The following CEP170 variants were observed in gnomAD, a reference collection of about 807,000 sequenced individuals.
CEP170 encodes centrosomal protein 170.
In CEP170, 21 loss-of-function variants were observed where a neutral mutation model predicts 151.9. That is an observed-to-expected ratio of 0.14 (90% CI 0.10 to 0.20). The LOEUF is 0.20. CEP170 is among the 10% of genes least tolerant of loss of function. CEP170 has a pLI of 1.00. For missense variants in CEP170, 964 were observed against 1,892.9 expected, an observed-to-expected ratio of 0.51 and a Z score of 9.11; for synonymous variants, 356 against 648.8, an observed-to-expected ratio of 0.55 and a Z score of 6.86.
chr1:243,146,187 C>T (rs939640495), intron 14 of CEP170, among the ~76,000 whole-genome samples: 5 of 152,196 alleles, frequency 3.3e-5, no homozygotes, highest in Non-Finnish European at 7.4e-5. Context: ...ATTATGAACT[C>T]GTTTGGAACA....
chr1:243,225,373 G>T, intron 1 of CEP170, 52 bp from the exon 2 acceptor site: 1 of 683,138 alleles, frequency 1.5e-6, no homozygotes, highest in Non-Finnish European at 2.3e-6. Context: ...TAGCTTTAGT[G>T]GCTATTCACC....
At position 243,124,653 on chromosome 1, in the gene CEP170, A is replaced by G. The variant is rs1477571998; in HGVS notation, c.*1796T>C. 1 of 152,546 alleles carries G rather than the reference A, an allele frequency of 6.6e-6. No homozygotes were observed. Among genetic ancestry groups the G allele is most frequent in the Non-Finnish European group, 1.5e-5 (1 of 67,982 alleles). The allele number at this position is 152,546 out of a possible 1,614,324, so 9.4% of individuals were successfully genotyped here. A position where few individuals can be genotyped will look rare whatever the true frequency, so the allele number is the denominator to read the frequency against. On this transcript the variant is annotated 3_prime_UTR_variant, in exon 20 of 20. Transcript: ENST00000366542. ...TATTTTCCTAAACTCCTTACCTTCT[A>G]CTTCCATGTGGATATAATCAGTACC...
chr1:243,159,759 GGTTTT>G (rs1572342332), intron 13 of CEP170, among the ~76,000 whole-genome samples: 1 of 144,814 alleles, frequency 6.9e-6, no homozygotes, highest in Non-Finnish European at 1.5e-5. Context: ...TTTTGTTTCC[GGTTTT>G]GTGTGTGTGT....
chr1:243,178,756 T>C (rs1304436053), intron 10 of CEP170, among the ~76,000 whole-genome samples: 2 of 151,948 alleles, frequency 1.3e-5, no homozygotes, highest in Non-Finnish European at 2.9e-5. Context: ...TCTTGCTCTG[T>C]CACCCAGGCT....
chr1:243,174,953 A>G (rs572683828), intron 10 of CEP170: 16 of 152,326 alleles, frequency 1.1e-4, no homozygotes, highest in African/African-American at 3.6e-4. Context: ...AAGTTTATTT[A>G]CTTATTTTAT....
chr1:243,194,119 G>A lies in CEP170; in HGVS notation c.632-2625C>T, dbSNP rs550986670. 1.4e-4 allele frequency among the ~76,000 whole-genome samples: 21 copies of A among 151,540 alleles called. No individual in the cohort carries two copies. In the East Asian group the frequency reaches 4.1e-3, roughly 30 times the overall value. On this transcript the variant is annotated intron_variant, in intron 7 of 19. Coordinates refer to ENST00000366542, the MANE Select transcript of CEP170 (RefSeq NM_014812.3). ...TTTTTACTATTTACTCAGATCACAT[G>A]TAGCAAACCTTGGGCAGGGTACAAA...
chr1:243,126,397 C>T lies in CEP170; in HGVS notation c.*52G>A. 1 of 1,543,200 alleles carries T rather than the reference C, an allele frequency of 6.5e-7. No individual in the cohort carries two copies. Among genetic ancestry groups the T allele is most frequent in the South Asian group, 1.2e-5 (1 of 81,984 alleles). On this transcript the variant is annotated 3_prime_UTR_variant, in exon 20 of 20. Coordinates refer to ENST00000366542, the MANE Select transcript of CEP170 (RefSeq NM_014812.3). ...GCGTACATCAACACTATGCTGCTTC[C>T]AATATTCCTAGCCATTCCACAGGTA...
intron 10 of CEP170, among the ~76,000 whole-genome samples, chr1:243,178,308 C>CAAAAAAAAAAAAAAAAAA (rs869094317): frequency 3.3e-5 from 1 of 30,422 alleles, no homozygotes; most frequent in African/African-American, 1.6e-4. Context: ...GACTCTGCCT[C>CAAAAAAAAAAAAAAAAAA]AAAAAAAAAA....
Position 243,195,280 on chromosome 1 carries a change from C to T in CEP170, c.631+3780G>A, listed in dbSNP as rs530082588. Among the ~76,000 whole-genome samples the T allele has an allele frequency of 1.8e-4, 27 of 151,978 alleles. 1 individual carries two copies. In the South Asian group the frequency reaches 5.4e-3, roughly 30 times the overall value. On this transcript the variant is annotated intron_variant, in intron 7 of 19. Transcript: ENST00000366542. ...TGCACATGCCATTTCAAAATGTGTG[C>T]AACAGTTAAAGGCCTTTAATTATAA... is the stretch of plus-strand genomic sequence containing the variant.
intron 12 of CEP170, among the ~76,000 whole-genome samples, chr1:243,168,789 C>A (rs529185748): frequency 6.6e-6 from 1 of 151,776 alleles, no homozygotes; most frequent in East Asian, 1.9e-4. Context: ...CTTGAAGGTA[C>A]ACAACTTCAT....
chr1:243,135,966 TTA>T (rs2148245252), intron 17 of CEP170, 175 bp downstream of exon 17: 1 of 736,178 alleles, frequency 1.4e-6, no homozygotes. Context: ...GTAAGTCTAT[TTA>T]TGTTTTGAAT....
chr1:243,190,419 C>T (rs1482582314), intron 8 of CEP170, among the ~76,000 whole-genome samples: 3 of 151,950 alleles, frequency 2.0e-5, no homozygotes, highest in African/African-American at 7.3e-5. Flanking sequence ...ATAACTATTT[C>T]AAAAATGAAC....
chr1:243,169,055 T>C (rs1451906413), intron 12 of CEP170, among the ~76,000 whole-genome samples: 2 of 151,476 alleles, frequency 1.3e-5, no homozygotes, highest in African/African-American at 4.8e-5. Context: ...CACCTATATA[T>C]GCTTCATCTA....
chr1:243,200,916 T>G, intron 4 of CEP170, 81 bp from the exon 5 acceptor site: 1 of 1,503,020 alleles, frequency 6.7e-7, no homozygotes, highest in South Asian at 1.3e-5. Context: ...ATTTAGAAAT[T>G]GTTCTATTTC....
At chr1:243,230,174 G>A (rs1011400849) in intron 1 of CEP170, among the ~76,000 whole-genome samples, 3 of 151,472 alleles carry the variant, frequency 2.0e-5, no homozygotes, top group African/African-American at 7.3e-5. Flanking sequence ...AACATAATGA[G>A]ACCTCATATC....
chr1:243,251,544 A>C (rs2065939455), intron 1 of CEP170, among the ~76,000 whole-genome samples: 2 of 152,176 alleles, frequency 1.3e-5, no homozygotes, highest in African/African-American at 2.4e-5. Flanking sequence ...ATACACACAC[A>C]CCACACACAC....
intron 13 of CEP170, among the ~76,000 whole-genome samples, chr1:243,164,082 T>C (rs1030767369): frequency 3.5e-4 from 53 of 152,304 alleles, no homozygotes; most frequent in Non-Finnish European, 7.1e-4. Context: ...TGGAAGTATG[T>C]ATAACTTCTG....
intron 7 of CEP170, among the ~76,000 whole-genome samples, chr1:243,194,439 T>C (rs1430181485): frequency 2.6e-5 from 4 of 151,992 alleles, no homozygotes; most frequent in Admixed American, 6.6e-5. Context: ...TTTTAAATTA[T>C]ACTGAAACTT....
At chr1:243,159,799 GTGTT>G (rs2057908762) in intron 13 of CEP170, among the ~76,000 whole-genome samples, 1 of 151,044 alleles carries the variant, frequency 6.6e-6, no homozygotes. Flanking sequence ...GTGTGTGTGT[GTGTT>G]TTTGAGATGG....
Sources: allele counts gnomAD v4.1 joint callset (sites outside exome capture counted in the v4.1 genomes callset), GRCh38; gene constraint gnomAD v4.1.1; transcripts MANE v1.5; gene names NCBI Gene and HGNC (gene_info 2026-07-23, HGNC 2026-07-21).